The following TTC7A variants were observed in gnomAD, a reference collection of about 807,000 sequenced individuals.
TTC7A encodes the protein tetratricopeptide repeat protein 7A.
Under a neutral mutation model 103.7 loss-of-function variants are expected in TTC7A, and 110 were observed. The ratio of observed to expected loss-of-function variants is 1.06; its 90% confidence interval spans 0.91 to 1.24. The LOEUF (loss-of-function observed/expected upper bound fraction) is 1.24, where lower values mean the gene tolerates loss of function less well. Ranked by LOEUF, TTC7A falls within the 50% of genes most tolerant of loss-of-function variation. The pLI is 0.00. For synonymous variants in TTC7A, 521 were observed against 467.9 expected (o/e 1.11, Z -1.47); for missense variants, 1,340 against 1,116.3 (o/e 1.20, Z -2.86).
At chr2:46,938,093 T>C (rs1041229584), upstream of TTC7A, among the ~76,000 whole-genome samples, 13 of 152,090 alleles carry the variant, frequency 8.5e-5, no homozygotes, top group African/African-American at 3.1e-4. Context: ...AAACAAAAAC[T>C]AGAATGGGAA....
At chr2:47,020,693 CCT>C (rs1408706241) in intron 11 of TTC7A, among the ~76,000 whole-genome samples, 2 of 152,260 alleles carry the variant, frequency 1.3e-5, no homozygotes, top group African/African-American at 4.8e-5. Flanking sequence ...CTGTGCCTTG[CCT>C]CTCTGCTCTT....
At chr2:47,070,719 A>T (rs753059424) in intron 19 of TTC7A, among the ~76,000 whole-genome samples, 3 of 152,026 alleles carry the variant, frequency 2.0e-5, no homozygotes, top group Non-Finnish European at 2.9e-5. Context: ...GGAGAGAAGG[A>T]GGGTCCTGAG....
intron 19 of TTC7A, among the ~76,000 whole-genome samples, chr2:47,072,327 G>A (rs567705338): frequency 7.2e-5 from 11 of 152,296 alleles, no homozygotes; most frequent in South Asian, 2.1e-4. Context: ...TGACAGAGGC[G>A]CTGTGAGGAC....
At chr2:46,943,811 A>G (rs1386035292) in intron 1 of TTC7A, among the ~76,000 whole-genome samples, 1 of 152,164 alleles carries the variant, frequency 6.6e-6, no homozygotes. Flanking sequence ...CAGAATTGGG[A>G]GAGGTTCTGA....
At chr2:46,933,032 A>G (rs1669793690) in intron 2 of TTC7A, among the ~76,000 whole-genome samples, 1 of 152,118 alleles carries the variant, frequency 6.6e-6, no homozygotes, top group South Asian at 2.1e-4. Flanking sequence ...GCTAAGCTGC[A>G]CTGAAAAGGC....
intron 3 of TTC7A, among the ~76,000 whole-genome samples, chr2:46,957,266 C>G (rs546521985): frequency 3.9e-5 from 6 of 152,374 alleles, no homozygotes; most frequent in African/African-American, 1.2e-4. Flanking sequence ...GGGCAATCAC[C>G]TCTTCACCTC....
At chr2:46,926,677 T>A (rs1283432894) in intron 2 of TTC7A, among the ~76,000 whole-genome samples, 1 of 152,238 alleles carries the variant, frequency 6.6e-6, no homozygotes, top group Non-Finnish European at 1.5e-5. Context: ...AAAATTATCC[T>A]AAGCATCAGA....
intron 15 of TTC7A, among the ~76,000 whole-genome samples, chr2:47,031,306 A>G (rs1680519786): frequency 6.6e-6 from 1 of 152,140 alleles, no homozygotes; most frequent in African/African-American, 2.4e-5. Context: ...AGGTAAGAAC[A>G]TTTTATTTTT....
At chr2:46,931,723 T>TAAAA (rs755641796) in intron 2 of TTC7A, among the ~76,000 whole-genome samples, 1 of 151,428 alleles carries the variant, frequency 6.6e-6, no homozygotes, top group Non-Finnish European at 1.5e-5. Context: ...AATAAATAAA[T>TAAAA]AAAATTGATA....
At chr2:47,070,359 C>G (rs1684571071) in intron 19 of TTC7A, among the ~76,000 whole-genome samples, 1 of 152,250 alleles carries the variant, frequency 6.6e-6, no homozygotes, top group Non-Finnish European at 1.5e-5. Flanking sequence ...GCAGGGCTTG[C>G]CAAGCTCCAC....
At chr2:47,041,078 C>T (rs1458656434) in intron 15 of TTC7A, among the ~76,000 whole-genome samples, 1 of 152,164 alleles carries the variant, frequency 6.6e-6, no homozygotes, top group Non-Finnish European at 1.5e-5. Flanking sequence ...GGGATGGAGG[C>T]CCTCCACCCC....
At chr2:46,940,951 G>A (rs1273383154), upstream of TTC7A, among the ~76,000 whole-genome samples, 2 of 152,126 alleles carry the variant, frequency 1.3e-5, no homozygotes, top group Non-Finnish European at 2.9e-5. This position sits in a 1 kb window ranked among gnomAD's most constrained non-coding sequence, Gnocchi z 4.7. Flanking sequence ...CAGGCTAAGA[G>A]CCCCGATGGG....
At position 47,007,664 on chromosome 2, in the gene TTC7A, C is replaced by T. The variant is rs1329629569; in HGVS notation, c.1287+940C>T. ...CCAGCCAGCTCGGGGCCTCGGCAGCCGAGGCAGGCCAGGCCCTGGCAGGGA... is the reference window on the plus strand; with the variant it reads ...CCAGCCAGCTCGGGGCCTCGGCAGCTGAGGCAGGCCAGGCCCTGGCAGGGA... On this transcript the variant is annotated intron_variant, in intron 10 of 19. Coordinates refer to ENST00000319190, the MANE Select transcript of TTC7A (RefSeq NM_020458.4). The surrounding 1 kb of genome is among the most constrained non-coding windows in gnomAD (Gnocchi z 4.9). Among the ~76,000 whole-genome samples, 8 of 152,068 alleles carry T rather than the reference C, an allele frequency of 5.3e-5. No individual in the cohort carries two copies. The highest frequency in any genetic ancestry group is 9.7e-5 in the African/African-American group (4 of 41,416).
At chr2:46,920,310 A>G (rs1478552552) in intron 2 of TTC7A, among the ~76,000 whole-genome samples, 1 of 152,054 alleles carries the variant, frequency 6.6e-6, no homozygotes, top group Non-Finnish European at 1.5e-5. Context: ...TAGTTATTCT[A>G]GATAAACATT....
intron 3 of TTC7A, among the ~76,000 whole-genome samples, chr2:46,971,812 A>G (rs897605631): frequency 6.6e-6 from 1 of 152,146 alleles, no homozygotes; most frequent in African/African-American, 2.4e-5. Flanking sequence ...AAAGTACCTA[A>G]AGTGTACTGT....
chr2:47,037,976 C>T (rs1348617311), intron 15 of TTC7A, among the ~76,000 whole-genome samples: 1 of 152,072 alleles, frequency 6.6e-6, no homozygotes, highest in Admixed American at 6.5e-5. Flanking sequence ...CTAGGCTGGG[C>T]GCGGTCACTC....
chr2:46,978,931 GTGGGAGAACGATTCCCC>G, intron 5 of TTC7A, 24 bp downstream of exon 5: 1 of 1,547,356 alleles, frequency 6.5e-7, no homozygotes, highest in African/African-American at 1.4e-5. Context: ...AGTTGAGTGA[GTGGGAGAACGATTCCCC>G]TGGGCTGAGG....
chr2:47,053,378 T>C (rs946127640), intron 18 of TTC7A, among the ~76,000 whole-genome samples: 1 of 152,202 alleles, frequency 6.6e-6, no homozygotes, highest in Admixed American at 6.5e-5. Flanking sequence ...CCCCCACAGC[T>C]TCGCACCCAT....
intron 5 of TTC7A, 38 bp from the exon 6 acceptor site, chr2:46,993,412 G>C (rs375943889): frequency 1.2e-6 from 2 of 1,605,000 alleles, no homozygotes; most frequent in South Asian, 2.2e-5. Flanking sequence ...TTGCGAGCTA[G>C]GCTGGTAACA....
Sources: gnomAD v4.1 joint callset for allele counts (sites outside exome capture counted in the v4.1 genomes callset) on GRCh38, gnomAD v4.1.1 for gene constraint, Gnocchi (gnomAD v3.1) non-coding constraint, MANE v1.5 for transcripts, NCBI Gene and HGNC (gene_info 2026-07-23, HGNC 2026-07-21) for gene names.